PRH1: variants seen among roughly 807,000 people sequenced by gnomAD.
The protein encoded by PRH1 is proline rich protein HaeIII subfamily 1, also known as salivary acidic proline-rich phosphoprotein 1/2.
In PRH1, 7 loss-of-function variants were observed where a neutral mutation model predicts 7.9. The observed-to-expected ratio is 0.89, with a 90% CI of 0.50 to 1.67. The LOEUF is 1.67. Ranked by LOEUF, PRH1 falls within the 40% of genes most tolerant of loss-of-function variation. The pLI is 0.00. For synonymous variants in PRH1, 45 were observed against 80.8 expected (o/e 0.56, Z 2.38); for missense variants, 109 against 223.6 (o/e 0.49, Z 3.27).
intron 2 of PRH1, among the ~76,000 whole-genome samples, chr12:10,920,511 T>A (rs1950031248): frequency 6.6e-6 from 1 of 152,160 alleles, no homozygotes; most frequent in Non-Finnish European, 1.5e-5. Flanking sequence ...AAAATATAGT[T>A]CTTATTTGTA....
At chr12:10,881,948 C>T (rs1949407712) in intron 3 of PRH1, among the ~76,000 whole-genome samples, 1 of 152,156 alleles carries the variant, frequency 6.6e-6, no homozygotes, top group South Asian at 2.1e-4. Context: ...AAAGGGGGAA[C>T]ATGGTTCTAT....
At chr12:10,973,472 A>C in intron 2 of PRH1, 3 of 452,694 alleles carry the variant, frequency 6.6e-6, no homozygotes, top group Non-Finnish European at 1.2e-5. Context: ...TACAACTACT[A>C]TCAGCCTTAG....
chr12:11,155,205 C>A (rs561602411), intron 1 of PRH1, among the ~76,000 whole-genome samples: 2 of 152,292 alleles, frequency 1.3e-5, no homozygotes, highest in South Asian at 4.1e-4. Flanking sequence ...AAGTAACTTG[C>A]ACTGATTTGC....
chr12:11,009,606 A>G (rs529614306), intron 1 of PRH1, among the ~76,000 whole-genome samples: 1 of 152,038 alleles, frequency 6.6e-6, no homozygotes, highest in Admixed American at 6.6e-5. Flanking sequence ...GAAAATAGTA[A>G]CAATTTTCTT....
intron 1 of PRH1, among the ~76,000 whole-genome samples, chr12:11,154,101 T>G (rs1310948778): frequency 6.6e-6 from 1 of 152,228 alleles, no homozygotes; most frequent in Non-Finnish European, 1.5e-5. Context: ...GAGACAAATT[T>G]GTTAGAATAA....
intron 2 of PRH1, among the ~76,000 whole-genome samples, chr12:10,905,824 A>G (rs149836403): frequency 6.6e-6 from 1 of 152,282 alleles, no homozygotes; most frequent in East Asian, 1.9e-4. Context: ...CAGAAAACCA[A>G]ATACTGCATG....
chr12:11,088,993 A>T (rs1944796028), intron 1 of PRH1, among the ~76,000 whole-genome samples: 2 of 115,806 alleles, frequency 1.7e-5, no homozygotes, highest in South Asian at 4.7e-4. Flanking sequence ...CCCTCTAAAC[A>T]CAAGTCCCTA....
chr12:10,962,769 TTTG>T (rs771880331), intron 2 of PRH1, among the ~76,000 whole-genome samples: 4 of 152,198 alleles, frequency 2.6e-5, no homozygotes, highest in African/African-American at 9.6e-5. Flanking sequence ...ATCTCTGTTT[TTTG>T]TTGTTGTTGT....
At chr12:11,066,785 T>C (rs1458944784) in intron 1 of PRH1, among the ~76,000 whole-genome samples, 2 of 151,820 alleles carry the variant, frequency 1.3e-5, no homozygotes, top group South Asian at 2.1e-4. Context: ...ATGTTTCTTC[T>C]ATGATTCTCA....
intron 1 of PRH1, among the ~76,000 whole-genome samples, chr12:11,098,284 T>C (rs1381616622): frequency 6.6e-6 from 1 of 151,154 alleles, no homozygotes; most frequent in Non-Finnish European, 1.5e-5. Context: ...TCATTCTTTT[T>C]ACTTTTAAAT....
Position 10,950,889 on chromosome 12 carries a change from G to A in PRH1, c.-59+22766C>T, listed in dbSNP as rs369384927. ...GATTGGTAGTAAACTTCCCATGTCT[G>A]AACAAACACACATTAAAAAAGGGCA... On this transcript the variant is annotated intron_variant, in intron 2 of 3. Transcript: ENST00000539853. Among the ~76,000 whole-genome samples, 23 of 151,900 alleles carry A rather than the reference G, an allele frequency of 1.5e-4. 1 individual carries two copies. Among genetic ancestry groups the A allele is most frequent in the Admixed American group, 1.5e-3 (23 of 15,256 alleles).
intron 1 of PRH1, among the ~76,000 whole-genome samples, chr12:10,883,810 T>A (rs1263194235): frequency 6.6e-6 from 1 of 152,180 alleles, no homozygotes; most frequent in Non-Finnish European, 1.5e-5. Context: ...GCCACCATCA[T>A]CCCTGTCTAC....
intron 1 of PRH1, among the ~76,000 whole-genome samples, chr12:11,071,806 T>A (rs1944082852): frequency 6.6e-6 from 1 of 152,150 alleles, no homozygotes; most frequent in Admixed American, 6.5e-5. Context: ...AGTCAGGGTC[T>A]GCTGGACAGA....
chr12:10,936,416 C>T (rs1950288759), intron 2 of PRH1, among the ~76,000 whole-genome samples: 1 of 152,132 alleles, frequency 6.6e-6, no homozygotes. Context: ...GTATACTTGA[C>T]ATGCAATAAG....
chr12:10,928,244 C>T (rs376142371), intron 2 of PRH1, among the ~76,000 whole-genome samples: 3 of 152,106 alleles, frequency 2.0e-5, no homozygotes, highest in African/African-American at 7.2e-5. Context: ...AAACTGGTGA[C>T]ATAAATACTG....
In PRH1 at chr12:11,081,955, A is replaced by T. The variant is rs1300939813; in HGVS notation, n.124-34767T>A. On this transcript the variant is annotated intron_variant and non_coding_transcript_variant, in intron 1 of 4. Coordinates refer to the PRH1 transcript ENST00000541977. Reference sequence around the variant, plus strand: ...AATCAAAATCTTTTCATAGTGTTACATGGATTAGTTTAATATAATTTATAA... The same window carrying T: ...AATCAAAATCTTTTCATAGTGTTACTTGGATTAGTTTAATATAATTTATAA... 7.1e-3 allele frequency among the ~76,000 whole-genome samples: 605 copies of T among 85,440 alleles called. 1 individual carries two copies. Among genetic ancestry groups the T allele is most frequent in the Middle Eastern group, 0.021 (4 of 194 alleles). 56.1% of individuals were successfully genotyped at this position (85,440 alleles called of 152,430 possible).
intron 1 of PRH1, among the ~76,000 whole-genome samples, chr12:11,122,492 A>G (rs973508871): frequency 6.6e-6 from 1 of 152,286 alleles, no homozygotes; most frequent in Non-Finnish European, 1.5e-5. Flanking sequence ...TGTGGGAAAT[A>G]TGTCCACACT....
chr12:11,131,556 T>C (rs1432339186), intron 1 of PRH1, among the ~76,000 whole-genome samples: 2 of 152,290 alleles, frequency 1.3e-5, no homozygotes, highest in African/African-American at 2.4e-5. Context: ...AATACAAATA[T>C]ATAATTCACA....
chr12:10,920,344 T>G (rs991338024), intron 2 of PRH1, among the ~76,000 whole-genome samples: 5 of 152,188 alleles, frequency 3.3e-5, no homozygotes, highest in Admixed American at 6.5e-5. Flanking sequence ...TGGTTAGAAT[T>G]ATATTGAATA....
Sources: gnomAD v4.1 joint callset for allele counts (sites outside exome capture counted in the v4.1 genomes callset) on GRCh38, gnomAD v4.1.1 for gene constraint, MANE v1.5 for transcripts, NCBI Gene and HGNC (gene_info 2026-07-23, HGNC 2026-07-21) for gene names.